Variants in ZNF467 observed in about 807,000 individuals in gnomAD.
The protein encoded by ZNF467 is zinc finger protein EZI.
In ZNF467, 51 loss-of-function variants were observed where a neutral mutation model predicts 47.8. The ratio of observed to expected loss-of-function variants is 1.07; its 90% CI spans 0.85 to 1.35. The LOEUF (loss-of-function observed/expected upper bound fraction) is 1.35. Ranked by LOEUF, ZNF467 falls within the 40% of genes most tolerant of loss-of-function variation. ZNF467 has a pLI of 0.00. For synonymous variants in ZNF467, 416 were observed against 372.9 expected (o/e 1.12, Z -1.33); for missense variants, 992 against 858.1 (o/e 1.16, Z -1.95).
rs765102486 is a variant in ZNF467 at position 149,770,483 on chromosome 7, C to G, written c.108G>C (p.Gln36His). The G allele has an allele frequency of 1.2e-5, 20 of 1,613,740 alleles. No individual in the cohort carries two copies. The South Asian group carries it at 1.9e-4, about 15-fold the overall frequency. Residue 36 changes from glutamine (Q) to histidine (H), a missense_variant, in exon 3 of 5, where the codon CAG becomes CAC. Transcript: ENST00000302017. ...PREGSHNAQE[Q>H]MSSSREERAL... The stretch of plus-strand genomic sequence containing the variant: ...CTCTCTCTTCCCTAGAAGAGGACAT[C>G]TGCTCCTGGGCATTATGGGATCCTT...
upstream of ZNF467, chr7:149,776,131 C>T: frequency 2.2e-6 from 3 of 1,338,050 alleles, no homozygotes; most frequent in Non-Finnish European, 3.0e-6. Context: ...AAGGGTCCTC[C>T]TTCTGCCGCA....
chr7:149,770,687 T>C, intron 2 of ZNF467, 131 bp from the exon 3 acceptor site: 1 of 766,898 alleles, frequency 1.3e-6, no homozygotes, highest in South Asian at 1.7e-5. Flanking sequence ...ACAGGGTCTC[T>C]CACCACATGG....
In ZNF467 at chr7:149,765,227, G is replaced by T. The variant is rs750243477; in HGVS notation, c.1275C>A (p.Pro425=). ...GGCAGAAGAAGGACCGCTCGCCCGA[G>T]GGGGCGCGCTGGGGCACCACGGGAT... The part of the protein sequence containing the change: ...GSDPVVPQRA[P]SGERSFFCPD... The change falls in exon 5 of 5, where the codon CCC becomes CCA. Residue 425 remains proline (P), a synonymous_variant. Transcript: ENST00000302017. 6 of 1,485,488 alleles carry T rather than the reference G, an allele frequency of 4.0e-6. No individual in the cohort carries two copies. In the African/African-American group the frequency reaches 8.6e-5, roughly 21 times the overall value. 92.0% of individuals were successfully genotyped at this position (1,485,488 alleles called of 1,614,324 possible).
At position 149,765,709 on chromosome 7, in the gene ZNF467, T is replaced by G. The variant is rs1399501487; in HGVS notation, c.793A>C (p.Thr265Pro). ...QKIHLGSHQKTHTGERPFPCT... is the reference protein window; with the variant it reads ...QKIHLGSHQKPHTGERPFPCT... ...GGGAAGGGCCGCTCGCCGGTGTGGG[T>G]CTTTTGGTGCGAGCCCAGGTGGATC... is the stretch of plus-strand genomic sequence containing the variant. Residue 265 changes from threonine (T) to proline (P), a missense_variant, in exon 5 of 5, where the codon ACC becomes CCC. Physicochemically the swap from Thr to Pro is conservative, Grantham distance 38 (BLOSUM62 -1). Transcript: ENST00000302017. 3.1e-6 allele frequency: 5 copies of G among 1,613,444 alleles called. No individual in the cohort carries two copies. Among genetic ancestry groups the G allele is most frequent in the Non-Finnish European group, 4.2e-6 (5 of 1,179,816 alleles).
chr7:149,766,323 C>T, intron 4 of ZNF467, 84 bp from the exon 5 acceptor site: 1 of 1,497,792 alleles, frequency 6.7e-7, no homozygotes, highest in South Asian at 1.4e-5. Flanking sequence ...TTCCTGGAGC[C>T]CCGCGGTCTG....
intron 4 of ZNF467, among the ~76,000 whole-genome samples, chr7:149,767,259 C>T (rs1799253674): frequency 6.6e-6 from 1 of 152,278 alleles, no homozygotes; most frequent in African/African-American, 2.4e-5. Context: ...TCATCAGCTC[C>T]TGGGAAACGT....
Position 149,765,881 on chromosome 7 carries a change from C to T in ZNF467, c.621G>A (p.Gln207=), listed in dbSNP as rs41551. 6.3e-7 allele frequency: 1 copy of T among 1,592,954 alleles called. No homozygotes were observed. The highest frequency in any genetic ancestry group is 8.5e-7 in the Non-Finnish European group (1 of 1,170,530). Residue 207 remains glutamine, a synonymous_variant, in exon 5 of 5, where the codon CAG becomes CAA. Coordinates refer to ENST00000302017, the MANE Select transcript of ZNF467 (RefSeq NM_207336.3). ...AAGGCCGCTCGCCGCGGTGGCTGCG[C>T]TGATGCAGTAGCATGTGGGCGCGCT... ...FTQRAHMLLH[Q]RSHRGERPFP...
Position 149,765,980 on chromosome 7 carries a change from C to A in ZNF467, c.522G>T (p.Thr174=). The A allele has an allele frequency of 6.4e-7, 1 of 1,555,516 alleles. No homozygotes were observed. The highest frequency in any genetic ancestry group is 8.7e-7 in the Non-Finnish European group (1 of 1,150,396). The change falls in exon 5 of 5, where the codon ACG becomes ACT. Residue 174 remains threonine, a synonymous_variant. Transcript: ENST00000302017. ...GGTGCAGCCGCTGGTGCAGTCGCAA[C>A]GTCAGCTGGTCCCGGAAGCGCCGCT... The part of the protein sequence containing the change: ...ECERRFRDQL[T]LRLHQRLHRG...
rs1342712571 is a variant in ZNF467, at chr7:149,765,203, G to T, written c.1299C>A (p.Cys433Ter). The T allele has an allele frequency of 6.6e-7, 1 of 1,506,848 alleles. No homozygotes were observed. Among genetic ancestry groups the T allele is most frequent in the Non-Finnish European group, 8.8e-7 (1 of 1,131,956 alleles). The allele number at this position is 1,506,848 out of a possible 1,614,324, so 93.3% of individuals were successfully genotyped here. Residue 433 changes from cysteine (C) to a stop codon, truncating the protein, a stop_gained, in exon 5 of 5, where the codon TGC becomes TGA. Coordinates refer to ENST00000302017, the MANE Select transcript of ZNF467 (RefSeq NM_207336.3). LOFTEE classifies it high-confidence loss of function. ...RAPSGERSFF[C>*]PDCGRGFSHG... ...GGGAGAAGCCGCGCCCGCAGTCCGG[G>T]CAGAAGAAGGACCGCTCGCCCGAGG...
chr7:149,765,144 T>C lies in ZNF467; in HGVS notation c.1358A>G (p.His453Arg). ...GQHLARHPRVHTGERPFACTQ... is the reference protein window; with the variant it reads ...GQHLARHPRVRTGERPFACTQ... ...GCAGGCGAAGGGCCGTTCGCCCGTG[T>C]GCACGCGCGGGTGCCGCGCCAGGTG... The change falls in exon 5 of 5, where the codon CAC becomes CGC. Residue 453 changes from histidine (H) to arginine (R), a missense_variant. Physicochemically the swap from His to Arg is conservative, Grantham distance 29. Transcript: ENST00000302017. 6.7e-7 allele frequency: 1 copy of C among 1,488,904 alleles called. No individual in the cohort carries two copies. Among genetic ancestry groups the C allele is most frequent in the Non-Finnish European group, 8.9e-7 (1 of 1,123,960 alleles). 92.2% of individuals were successfully genotyped at this position (1,488,904 alleles called of 1,614,324 possible). A position where few individuals can be genotyped will look rare whatever the true frequency, so the allele number is the denominator to read the frequency against.
chr7:149,773,473 G>A lies in ZNF467; in HGVS notation c.-408C>T, dbSNP rs1799491792. On this transcript the variant is annotated 5_prime_UTR_variant, in exon 1 of 5. Coordinates refer to ENST00000302017, the MANE Select transcript of ZNF467 (RefSeq NM_207336.3). ...CGAGCCTGGAGTAGGTGTGGAAGTG[G>A]GAGCTCAGGACGGGGGAGGGGAGGG... 1 of 124,808 alleles carries A rather than the reference G, an allele frequency of 8.0e-6. No homozygotes were observed. The highest frequency in any genetic ancestry group is 3.4e-5 in the African/African-American group (1 of 29,622). 7.7% of individuals were successfully genotyped at this position (124,808 alleles called of 1,614,324 possible).
Position 149,765,599 on chromosome 7 carries a change from C to T in ZNF467, c.903G>A (p.Gln301=). 1 of 1,601,646 alleles carries T rather than the reference C, an allele frequency of 6.2e-7. No individual in the cohort carries two copies. The change falls in exon 5 of 5, where the codon CAG becomes CAA. Residue 301 remains glutamine (Q), a synonymous_variant. Coordinates refer to ENST00000302017, the MANE Select transcript of ZNF467 (RefSeq NM_207336.3). ...TGAAGCTGCGTGCGCACTGTGCGCA[C>T]TGGTAGGGCCTCTCGCCCGTATGGA... The part of the protein sequence containing the change: ...QRIHTGERPY[Q]CAQCARSFTH...
At chr7:149,773,757 C>T (rs890102194), upstream of ZNF467, among the ~76,000 whole-genome samples, 12 of 151,796 alleles carry the variant, frequency 7.9e-5, no homozygotes, top group Admixed American at 5.2e-4. Context: ...GTGTGCAGCG[C>T]CGCGCTCCCG....
chr7:149,769,987 C>G lies in ZNF467; in HGVS notation c.151+453G>C, dbSNP rs142685553. On this transcript the variant is annotated intron_variant, in intron 3 of 4. Transcript: ENST00000302017. The surrounding 1 kb of genome is among the most constrained non-coding windows in gnomAD (Gnocchi z 5.3). The stretch of plus-strand genomic sequence containing the variant: ...CCACCATGCCCGGCTTCCCCAAGCT[C>G]CTTCAAATCCTGCACAAATCTTACC... Among the ~76,000 whole-genome samples the G allele has an allele frequency of 3.0e-3, 459 of 152,258 alleles. 2 individuals carry two copies. The highest frequency in any genetic ancestry group is 5.0e-3 in the Non-Finnish European group (337 of 68,016).
chr7:149,764,322 T>G lies in ZNF467; in HGVS notation c.*392A>C. ...GAGGTGGGACAGTGGCTAAGGAGAG[T>G]CAGGTGTTCCCTCCCCCAATTCATT... On this transcript the variant is annotated 3_prime_UTR_variant, in exon 5 of 5. Transcript: ENST00000302017. 1 of 422,716 alleles carries G rather than the reference T, an allele frequency of 2.4e-6. No homozygotes were observed. The highest frequency in any genetic ancestry group is 4.1e-6 in the Non-Finnish European group (1 of 243,064). 26.2% of individuals were successfully genotyped at this position (422,716 alleles called of 1,614,324 possible). A position where few individuals can be genotyped will look rare whatever the true frequency, so the allele number is the denominator to read the frequency against.
Position 149,764,548 on chromosome 7 carries a change from G to A in ZNF467, c.*166C>T, listed in dbSNP as rs1216612318. 2 of 1,296,516 alleles carry A rather than the reference G, an allele frequency of 1.5e-6. No individual in the cohort carries two copies. Among genetic ancestry groups the A allele is most frequent in the Non-Finnish European group, 2.2e-6 (2 of 923,984 alleles). 80.3% of individuals were successfully genotyped at this position (1,296,516 alleles called of 1,614,324 possible). A position where few individuals can be genotyped will look rare whatever the true frequency, so the allele number is the denominator to read the frequency against. On this transcript the variant is annotated 3_prime_UTR_variant, in exon 5 of 5. Transcript: ENST00000302017. ...GCTGAGTCTCTGTCCTAGGAGGTCCGAGCTGGGTATGCTGTGCGGACGCAG... is the reference window on the plus strand; with the variant it reads ...GCTGAGTCTCTGTCCTAGGAGGTCCAAGCTGGGTATGCTGTGCGGACGCAG...
In ZNF467 at chr7:149,765,557, C is replaced by G. The variant is rs1163597018; in HGVS notation, c.945G>C (p.Leu315Phe). The G allele has an allele frequency of 6.3e-7, 1 of 1,585,706 alleles. No individual in the cohort carries two copies. The highest frequency in any genetic ancestry group is 8.6e-7 in the Non-Finnish European group (1 of 1,166,010). Residue 315 changes from leucine (L) to phenylalanine (F), a missense_variant, in exon 5 of 5, where the codon TTG becomes TTC. Coordinates refer to ENST00000302017, the MANE Select transcript of ZNF467 (RefSeq NM_207336.3). ...CARSFTHKQHLVRHQRVHQTA... is the reference protein window; with the variant it reads ...CARSFTHKQHFVRHQRVHQTA... The stretch of plus-strand genomic sequence containing the variant: ...TCTGGTGCACCCTTTGGTGCCGCAC[C>G]AAGTGCTGCTTGTGCGTGAAGCTGC...
At position 149,770,520 on chromosome 7, in the gene ZNF467, C is replaced by A; in HGVS notation, c.71G>T (p.Ser24Ile). 5 of 1,613,742 alleles carry A rather than the reference C, an allele frequency of 3.1e-6. No homozygotes were observed. Among genetic ancestry groups the A allele is most frequent in the Non-Finnish European group, 4.2e-6 (5 of 1,179,850 alleles). The change falls in exon 3 of 5, where the codon AGT becomes ATT. Residue 24 changes from serine (S) to isoleucine (I), a missense_variant. Transcript: ENST00000302017. ...SVGQPEMAPQSEPREGSHNAQ... is the reference protein window; with the variant it reads ...SVGQPEMAPQIEPREGSHNAQ... Reference sequence around the variant, plus strand: ...ATTATGGGATCCTTCCCTGGGCTCACTTTGGGGGGCCATCTCTGGCTGTCC... The same window carrying A: ...ATTATGGGATCCTTCCCTGGGCTCAATTTGGGGGGCCATCTCTGGCTGTCC...
chr7:149,764,938 G>C lies in ZNF467; in HGVS notation c.1564C>G (p.Arg522Gly). 6.3e-7 allele frequency: 1 copy of C among 1,577,894 alleles called. No homozygotes were observed. The highest frequency in any genetic ancestry group is 8.6e-7 in the Non-Finnish European group (1 of 1,167,762). The change falls in exon 5 of 5, where the codon CGC (arginine) becomes GGC (glycine). Residue 522 changes from arginine to glycine, a missense_variant. Arg to Gly is a moderately radical substitution (Grantham distance 125, BLOSUM62 -2). Transcript: ENST00000302017. ...AGGTTGGTTTTGGAGCTGAAGCTGCGGGCGCAGACGGCGCAGGCGTGGGGG... is the reference window on the plus strand; with the variant it reads ...AGGTTGGTTTTGGAGCTGAAGCTGCCGGCGCAGACGGCGCAGGCGTGGGGG... ...SRPHACAVCA[R>G]SFSSKTNLVR...
Sources: allele counts gnomAD v4.1 joint callset (sites outside exome capture counted in the v4.1 genomes callset), GRCh38; gene constraint gnomAD v4.1.1; non-coding constraint Gnocchi (gnomAD v3.1); transcripts MANE v1.5; gene names NCBI Gene and HGNC (gene_info 2026-07-23, HGNC 2026-07-21).